The following PPIL4 variants were observed in gnomAD, a reference collection of about 807,000 sequenced individuals.
The protein encoded by PPIL4 is peptidylprolyl isomerase like 4.
PPIL4 carries 50 observed loss-of-function variants against 69.1 expected under a neutral mutation model. The ratio of observed to expected loss-of-function variants is 0.72; its 90% CI spans 0.58 to 0.92. The LOEUF is 0.92. Among genes scored for constraint, PPIL4 ranks in the 40% least tolerant of loss-of-function variants. The pLI, the probability that PPIL4 is intolerant of heterozygous loss-of-function variation, is 0.00. For missense variants in PPIL4, 480 were observed against 587.9 expected, an observed-to-expected ratio of 0.82 and a Z score of 1.90; for synonymous variants, 193 against 191.6, an observed-to-expected ratio of 1.01 and a Z score of -0.06.
intron 10 of PPIL4, among the ~76,000 whole-genome samples, chr6:149,519,966 C>T (rs1021430289): frequency 6.6e-6 from 1 of 152,126 alleles, no homozygotes; most frequent in Admixed American, 6.5e-5. Flanking sequence ...ACTTTTAAGA[C>T]TGACATGCTA....
At chr6:149,524,888 GA>G (rs1777083607) in intron 9 of PPIL4, among the ~76,000 whole-genome samples, 1 of 151,408 alleles carries the variant, frequency 6.6e-6, no homozygotes, top group South Asian at 2.1e-4. Flanking sequence ...GCAACAGAGT[GA>G]GACCCTGTCT....
chr6:149,535,562 T>C (rs755543657), intron 5 of PPIL4, 34 bp downstream of exon 5: 3 of 1,572,112 alleles, frequency 1.9e-6, no homozygotes, highest in Non-Finnish European at 2.6e-6. Flanking sequence ...ATTAAAACAT[T>C]CTAGTACATT....
At chr6:149,515,852 G>A (rs1248292358) in intron 11 of PPIL4, among the ~76,000 whole-genome samples, 1 of 152,064 alleles carries the variant, frequency 6.6e-6, no homozygotes, top group Non-Finnish European at 1.5e-5. Context: ...GTCTAGTTGG[G>A]CCAAGTTATT....
chr6:149,536,395 C>A (rs955336693), intron 4 of PPIL4, among the ~76,000 whole-genome samples: 4 of 152,138 alleles, frequency 2.6e-5, no homozygotes, highest in African/African-American at 9.7e-5. Flanking sequence ...CGTTGAAAGC[C>A]AAGATAAGCG....
chr6:149,529,867 T>C (rs1043437634), intron 7 of PPIL4, among the ~76,000 whole-genome samples: 1 of 151,568 alleles, frequency 6.6e-6, no homozygotes, highest in African/African-American at 2.4e-5. Flanking sequence ...CTTAAATGTA[T>C]ATTGCTAAGT....
Position 149,505,577 on chromosome 6 carries a change from T to C in PPIL4, c.1355A>G (p.His452Arg), listed in dbSNP as rs142828926. 7.7e-5 allele frequency: 124 copies of C among 1,614,180 alleles called. 2 individuals are homozygous for C. The Middle Eastern group carries it at 9.9e-4, about 13-fold the overall frequency. ...TTTTGATTTATGACTATTACTATAATGGCCATCCCTCTCTCGAGATCGGCT... is the reference window on the plus strand; with the variant it reads ...TTTTGATTTATGACTATTACTATAACGGCCATCCCTCTCTCGAGATCGGCT... ...SRSRSRERDG[H>R]YSNSHKSKYQ... The change falls in exon 13 of 13, where the codon CAT becomes CGT. Residue 452 changes from histidine (H) to arginine (R), a missense_variant. Transcript: ENST00000253329.
At chr6:149,512,487 A>G (rs1776868120) in intron 11 of PPIL4, among the ~76,000 whole-genome samples, 185 bp from the exon 12 acceptor site, 1 of 152,226 alleles carries the variant, frequency 6.6e-6, no homozygotes, top group Non-Finnish European at 1.5e-5. Context: ...GGAGAAATGG[A>G]AAGAATCCTA....
rs1776750467 is a variant in PPIL4, at chr6:149,505,206, G to GT, written c.*246dup. 1 of 354,154 alleles carries GT rather than the reference G, an allele frequency of 2.8e-6. No homozygotes were observed. 21.9% of individuals were successfully genotyped at this position (354,154 alleles called of 1,614,324 possible). Reference sequence around the variant, plus strand: ...ACTTCATTAAAAAAAGAGTGAAAATGTAAGACTTCAAAAATGAAGACTACC... The same window carrying GT: ...ACTTCATTAAAAAAAGAGTGAAAATGTTAAGACTTCAAAAATGAAGACTACC... On this transcript the variant is annotated 3_prime_UTR_variant, in exon 13 of 13. Transcript: ENST00000253329.
intron 7 of PPIL4, among the ~76,000 whole-genome samples, chr6:149,529,461 AT>A (rs1324344919): frequency 1.3e-5 from 2 of 151,134 alleles, no homozygotes; most frequent in Admixed American, 6.6e-5. Context: ...ATAAAAAAAA[AT>A]TAAAAAAAAT....
intron 9 of PPIL4, among the ~76,000 whole-genome samples, chr6:149,522,623 TA>T (rs2115032522): frequency 6.6e-6 from 1 of 152,302 alleles, no homozygotes; most frequent in Non-Finnish European, 1.5e-5. Flanking sequence ...ATTTATGTAT[TA>T]TTTTTTTGAG....
At chr6:149,510,206 G>A (rs1272585507) in intron 12 of PPIL4, among the ~76,000 whole-genome samples, 2 of 152,168 alleles carry the variant, frequency 1.3e-5, no homozygotes, top group African/African-American at 2.4e-5. Flanking sequence ...ATCTCTGCTG[G>A]ATTATAGCAA....
intron 3 of PPIL4, 53 bp downstream of exon 3, chr6:149,541,314 A>AAAATAAATAAAT: frequency 2.6e-6 from 2 of 760,786 alleles, no homozygotes; most frequent in African/African-American, 4.6e-5. Flanking sequence ...CCAGAGGTTA[A>AAAATAAATAAAT]AAGTAAATAA....
chr6:149,542,066 C>A lies in PPIL4; in HGVS notation c.71-480G>T, dbSNP rs548199818. On this transcript the variant is annotated intron_variant, in intron 1 of 12. Coordinates refer to ENST00000253329, the MANE Select transcript of PPIL4 (RefSeq NM_139126.4). ...AAGGGCAATAAGTCTAGAAAAAAAACATTTTAAATTACCTTTTTTTTTCCT... is the reference window on the plus strand; with the variant it reads ...AAGGGCAATAAGTCTAGAAAAAAAAAATTTTAAATTACCTTTTTTTTTCCT... Among the ~76,000 whole-genome samples, 4 of 151,962 alleles carry A rather than the reference C, an allele frequency of 2.6e-5. No individual in the cohort carries two copies. In the South Asian group the frequency reaches 8.3e-4, roughly 32 times the overall value.
chr6:149,527,572 A>C (rs948094938), intron 7 of PPIL4, among the ~76,000 whole-genome samples: 13 of 152,246 alleles, frequency 8.5e-5, no homozygotes, highest in African/African-American at 2.9e-4. Context: ...GTCATAAAGC[A>C]TAAAAATAAA....
rs116085181 is a variant in PPIL4 at position 149,538,645 on chromosome 6, A to G, written c.321+2297T>C. ...AATATCAACATTAACAGAAGTTAAG[A>G]AGAAGTAGATTCCAACCCTCATGGA... is the stretch of plus-strand genomic sequence containing the variant. On this transcript the variant is annotated intron_variant, in intron 4 of 12. Transcript: ENST00000253329. 4.6e-3 allele frequency among the ~76,000 whole-genome samples: 698 copies of G among 152,260 alleles called. 7 individuals are homozygous for G. The highest frequency in any genetic ancestry group is 0.016 in the African/African-American group (667 of 41,550).
chr6:149,540,189 A>T (rs569881101), intron 4 of PPIL4, among the ~76,000 whole-genome samples: 3 of 152,212 alleles, frequency 2.0e-5, no homozygotes, highest in African/African-American at 7.2e-5. Context: ...ACTCAACTTC[A>T]TGTGTATATA....
chr6:149,512,285 A>AT lies in PPIL4; in HGVS notation c.1096dup (p.Ile366AsnfsTer4), dbSNP rs1392639864. 7 of 1,609,960 alleles carry AT rather than the reference A, an allele frequency of 4.3e-6. No homozygotes were observed. The Admixed American group carries it at 8.4e-5, about 19-fold the overall frequency. On this transcript the variant is annotated frameshift_variant, in exon 12 of 13. Coordinates refer to ENST00000253329, the MANE Select transcript of PPIL4 (RefSeq NM_139126.4). LOFTEE classifies it high-confidence loss of function. Reference sequence around the variant, plus strand: ...TGAGTCTTCGGCCTGCTCATCTAATATAAGATCGTATTTTGTACTGCAGTA... The same window carrying AT: ...TGAGTCTTCGGCCTGCTCATCTAATATTAAGATCGTATTTTGTACTGCAGTA...
chr6:149,527,045 C>T (rs1406928441), intron 7 of PPIL4, among the ~76,000 whole-genome samples: 1 of 152,166 alleles, frequency 6.6e-6, no homozygotes, highest in African/African-American at 2.4e-5. Context: ...TTGAAACAAT[C>T]CTGCAATCTC....
intron 12 of PPIL4, among the ~76,000 whole-genome samples, chr6:149,508,712 T>C (rs994395310): frequency 6.6e-6 from 1 of 152,168 alleles, no homozygotes; most frequent in Non-Finnish European, 1.5e-5. Context: ...CCCAGCTGAA[T>C]ACGCATTTCC....
Sources: allele counts gnomAD v4.1 joint callset (sites outside exome capture counted in the v4.1 genomes callset), GRCh38; gene constraint gnomAD v4.1.1; transcripts MANE v1.5; gene names NCBI Gene and HGNC (gene_info 2026-07-23, HGNC 2026-07-21).